Variants in NOTCH4 observed in about 807,000 individuals in gnomAD.
NOTCH4 encodes the protein notch receptor 4.
Under a neutral mutation model 189.0 loss-of-function variants are expected in NOTCH4, and 138 were observed. That is an observed-to-expected ratio of 0.73 (90% CI 0.64 to 0.84). NOTCH4 has a LOEUF of 0.84. NOTCH4 is among the 40% of genes least tolerant of loss of function. NOTCH4 has a pLI of 0.00. For synonymous variants in NOTCH4, 942 were observed against 1,032.8 expected (o/e 0.91, Z 1.69); for missense variants, 2,286 against 2,605.4 (o/e 0.88, Z 2.67).
Position 32,213,026 on chromosome 6 carries a change from G to A in NOTCH4, c.2438+109C>T, listed in dbSNP as rs568005547. ...GAGGTGGCAAGCCAGGAGGGAAGGCGGAACGAGGTGTGGGGTGGGAGGCAG... is the reference window on the plus strand; with the variant it reads ...GAGGTGGCAAGCCAGGAGGGAAGGCAGAACGAGGTGTGGGGTGGGAGGCAG... On this transcript the variant is annotated intron_variant, in intron 15 of 29. Coordinates refer to ENST00000375023, the MANE Select transcript of NOTCH4 (RefSeq NM_004557.4). 158 of 1,251,172 alleles carry A rather than the reference G, an allele frequency of 1.3e-4. 1 individual carries two copies. In the South Asian group the frequency reaches 1.7e-3, roughly 13 times the overall value. 77.5% of individuals were successfully genotyped at this position (1,251,172 alleles called of 1,614,324 possible).
chr6:32,213,003 G>T, intron 15 of NOTCH4, 92 bp from the exon 16 acceptor site: 1 of 1,337,946 alleles, frequency 7.5e-7, no homozygotes, highest in South Asian at 1.3e-5. Context: ...ACCACAGGGA[G>T]GTGGCAAGCC....
rs941106697 is a variant in NOTCH4 at position 32,212,528 on chromosome 6, C to T, written c.2626G>A (p.Gly876Arg). 5 of 1,612,980 alleles carry T rather than the reference C, an allele frequency of 3.1e-6. No individual in the cohort carries two copies. Among genetic ancestry groups the T allele is most frequent in the African/African-American group, 1.3e-5 (1 of 74,872 alleles). ...FHCLCLQGWTGPLCNLPLSSC... is the reference protein window; with the variant it reads ...FHCLCLQGWTRPLCNLPLSSC... Reference sequence around the variant, plus strand: ...GACAGTGGAAGGTTGCAGAGAGGCCCGGTCCATCCCTGGAGGCACAAGCAG... The same window carrying T: ...GACAGTGGAAGGTTGCAGAGAGGCCTGGTCCATCCCTGGAGGCACAAGCAG... Residue 876 changes from glycine to arginine, a missense_variant, in exon 17 of 30, where the codon GGG becomes AGG. This residue lies in a region of NOTCH4 where 1,903 missense variants were observed against 2,261.9 expected (regional missense o/e 0.84). Transcript: ENST00000375023. The surrounding 1 kb of genome is among the most constrained non-coding windows in gnomAD (Gnocchi z 4.4).
chr6:32,222,372 A>G (rs1328563863), intron 3 of NOTCH4, 139 bp downstream of exon 3: 10 of 698,668 alleles, frequency 1.4e-5, no homozygotes, highest in Non-Finnish European at 2.0e-5. Context: ...GTGGATTGCC[A>G]AGAATTGGCA....
chr6:32,202,524 GAC>G lies in NOTCH4; in HGVS notation c.3305_3306del (p.Cys1102SerfsTer5). On this transcript the variant is annotated frameshift_variant, in exon 21 of 30. Transcript: ENST00000375023. LOFTEE classifies it high-confidence loss of function. This position sits in a 1 kb window ranked among gnomAD's most constrained non-coding sequence, Gnocchi z 5.7. ...GFHHCHHGGL[C>X]LPSPKPGFPP... ...GGGAAGCCTGGCTTAGGGGAGGGCA[GAC>G]ACAGGCCTCCGTGGTGGCAGTGATG... The G allele has an allele frequency of 6.2e-7, 1 of 1,610,976 alleles. No individual in the cohort carries two copies. The highest frequency in any genetic ancestry group is 1.3e-5 in the African/African-American group (1 of 75,008).
In NOTCH4 at chr6:32,216,807, T is replaced by C. The variant is rs530082881; in HGVS notation, c.1861+138A>G. On this transcript the variant is annotated intron_variant, in intron 11 of 29. Coordinates refer to ENST00000375023, the MANE Select transcript of NOTCH4 (RefSeq NM_004557.4). Reference sequence around the variant, plus strand: ...CATGGTTGTACAATTGTGCAGGTTTTACACTAAATAACTTTAAAGGATACC... The same window carrying C: ...CATGGTTGTACAATTGTGCAGGTTTCACACTAAATAACTTTAAAGGATACC... The C allele has an allele frequency of 5.5e-6, 6 of 1,099,262 alleles. No individual in the cohort carries two copies. In the African/African-American group the frequency reaches 9.3e-5, roughly 17 times the overall value. 68.1% of individuals were successfully genotyped at this position (1,099,262 alleles called of 1,614,324 possible).
rs769651472 is a variant in NOTCH4, at chr6:32,202,637, C to A, written c.3232-38G>T. On this transcript the variant is annotated intron_variant, in intron 20 of 29. Transcript: ENST00000375023. This position sits in a 1 kb window ranked among gnomAD's most constrained non-coding sequence, Gnocchi z 5.7. ...GGGGAGATATTGGAGATGCAACTTG[C>A]ATTATTCTTCCCGCTCTCCATCAAG... 3 of 1,529,226 alleles carry A rather than the reference C, an allele frequency of 2.0e-6. No individual in the cohort carries two copies. In the Admixed American group the frequency reaches 6.0e-5, roughly 31 times the overall value. 94.7% of individuals were successfully genotyped at this position (1,529,226 alleles called of 1,614,324 possible). A position where few individuals can be genotyped will look rare whatever the true frequency, so the allele number is the denominator to read the frequency against.
At position 32,195,268 on chromosome 6, in the gene NOTCH4, G is replaced by T; in HGVS notation, c.*169C>A. ...CTTAAACCCTCTTTCCAGAGCTGCA[G>T]CTTCTCCACGTGGAAGATGTCTGCT... On this transcript the variant is annotated 3_prime_UTR_variant, in exon 30 of 30. Coordinates refer to ENST00000375023, the MANE Select transcript of NOTCH4 (RefSeq NM_004557.4). The surrounding 1 kb of genome is among the most constrained non-coding windows in gnomAD (Gnocchi z 5.4). 1.5e-6 allele frequency: 1 copy of T among 655,910 alleles called. No individual in the cohort carries two copies. The highest frequency in any genetic ancestry group is 2.5e-6 in the Non-Finnish European group (1 of 396,946). The allele number at this position is 655,910 out of a possible 1,614,324, so 40.6% of individuals were successfully genotyped here.
At chr6:32,206,063 C>T (rs1182540921) in intron 18 of NOTCH4, among the ~76,000 whole-genome samples, 1 of 151,774 alleles carries the variant, frequency 6.6e-6, no homozygotes, top group African/African-American at 2.4e-5. Flanking sequence ...GGTTCTATAT[C>T]TCAAAATAAT....
Position 32,201,534 on chromosome 6 carries a change from C to G in NOTCH4, c.3756-34G>C. ...TAAGGAGAGGGGGACTCAGGACCTC[C>G]CTAAAACCTGACTCTTTTCTTCACC... On this transcript the variant is annotated intron_variant, in intron 21 of 29. Transcript: ENST00000375023. This position sits in a 1 kb window ranked among gnomAD's most constrained non-coding sequence, Gnocchi z 5.5. The G allele has an allele frequency of 4.9e-6, 7 of 1,434,304 alleles. No individual in the cohort carries two copies. Among genetic ancestry groups the G allele is most frequent in the Non-Finnish European group, 6.4e-6 (7 of 1,093,882 alleles). The allele number at this position is 1,434,304 out of a possible 1,614,324, so 88.8% of individuals were successfully genotyped here.
intron 18 of NOTCH4, among the ~76,000 whole-genome samples, chr6:32,206,936 C>CTT (rs70990300): frequency 3.1e-4 from 45 of 143,348 alleles, no homozygotes; most frequent in African/African-American, 1.0e-3. Flanking sequence ...CTTTTCTTTC[C>CTT]TTTTTTTTTT....
Position 32,223,873 on chromosome 6 carries a change from G to T in NOTCH4, c.56C>A (p.Ser19Ter). ...LLLLLLLLCV[S>*]VVRPRGLLCG... ...TGCCTCACCTCTGGGTCTGACCACT[G>T]AGACACATAGCAGCAGCAGCAGCAG... Residue 19 changes from serine (S) to a stop codon, truncating the protein, a stop_gained, in exon 1 of 30, where the codon TCA becomes TAA. Transcript: ENST00000375023. LOFTEE classifies it high-confidence loss of function. 6.3e-7 allele frequency: 1 copy of T among 1,598,324 alleles called. No homozygotes were observed.
In NOTCH4 at chr6:32,201,942, A is replaced by G; in HGVS notation, c.3755+134T>C. The G allele has an allele frequency of 1.3e-6, 1 of 791,400 alleles. No individual in the cohort carries two copies. Among genetic ancestry groups the G allele is most frequent in the Non-Finnish European group, 1.8e-6 (1 of 563,278 alleles). 49.0% of individuals were successfully genotyped at this position (791,400 alleles called of 1,614,324 possible). A position where few individuals can be genotyped will look rare whatever the true frequency, so the allele number is the denominator to read the frequency against. On this transcript the variant is annotated intron_variant, in intron 21 of 29. Coordinates refer to ENST00000375023, the MANE Select transcript of NOTCH4 (RefSeq NM_004557.4). This position sits in a 1 kb window ranked among gnomAD's most constrained non-coding sequence, Gnocchi z 5.5. ...AGTCCAGAGTCTTCGACCCCTGTTTAGTGATGGTTATTAGGGTGGAAACTC... is the reference window on the plus strand; with the variant it reads ...AGTCCAGAGTCTTCGACCCCTGTTTGGTGATGGTTATTAGGGTGGAAACTC...
intron 18 of NOTCH4, among the ~76,000 whole-genome samples, chr6:32,207,090 T>G (rs1788724952): frequency 6.6e-6 from 1 of 151,500 alleles, no homozygotes; most frequent in South Asian, 2.1e-4. Flanking sequence ...CCACCATGCC[T>G]GGCTAATTTT....
In NOTCH4 at chr6:32,200,215, CTT is replaced by C. The variant is rs9281670; in HGVS notation, c.4315+614_4315+615del. 2.8e-5 allele frequency among the ~76,000 whole-genome samples: 4 copies of C among 144,352 alleles called. No homozygotes were observed. The highest frequency in any genetic ancestry group is 3.0e-5 in the Non-Finnish European group (2 of 65,850). The allele number at this position is 144,352 out of a possible 152,430, so 94.7% of individuals were successfully genotyped here. A position where few individuals can be genotyped will look rare whatever the true frequency, so the allele number is the denominator to read the frequency against. On this transcript the variant is annotated intron_variant, in intron 23 of 29. Coordinates refer to ENST00000375023, the MANE Select transcript of NOTCH4 (RefSeq NM_004557.4). This position sits in a 1 kb window ranked among gnomAD's most constrained non-coding sequence, Gnocchi z 5.0. ...AAAGTACGATATAGCAGTTATTTTTCTTTTTTTTTTTTTGAGATGGAGTCTCC... is the reference window on the plus strand; with the variant it reads ...AAAGTACGATATAGCAGTTATTTTTCTTTTTTTTTTTGAGATGGAGTCTCC...
rs1438989344 is a variant in NOTCH4 at position 32,199,504 on chromosome 6, A to T, written c.4316-359T>A. On this transcript the variant is annotated intron_variant, in intron 23 of 29. Coordinates refer to ENST00000375023, the MANE Select transcript of NOTCH4 (RefSeq NM_004557.4). This position sits in a 1 kb window ranked among gnomAD's most constrained non-coding sequence, Gnocchi z 4.9. ...TGGATCATGAGGTCAGGAGATCGAG[A>T]CCATCCTGGCTAACATGGTGAAACC... is the stretch of plus-strand genomic sequence containing the variant. Among the ~76,000 whole-genome samples the T allele has an allele frequency of 2.0e-5, 3 of 152,118 alleles. No homozygotes were observed. The highest frequency in any genetic ancestry group is 2.9e-5 in the Non-Finnish European group (2 of 68,018).
rs1194939182 is a variant in NOTCH4, at chr6:32,210,703, T to G, written c.2865+49A>C. The G allele has an allele frequency of 6.3e-7, 1 of 1,581,080 alleles. No homozygotes were observed. Among genetic ancestry groups the G allele is most frequent in the Admixed American group, 1.7e-5 (1 of 59,772 alleles). ...CCCTCAGTCACTACTGTCTCTCCCA[T>G]CCAGCCCACCCTTGTCTTTCCTCCC... On this transcript the variant is annotated intron_variant, in intron 18 of 29. Coordinates refer to ENST00000375023, the MANE Select transcript of NOTCH4 (RefSeq NM_004557.4). This position sits in a 1 kb window ranked among gnomAD's most constrained non-coding sequence, Gnocchi z 4.8.
In NOTCH4 at chr6:32,195,754, T is replaced by TGA; in HGVS notation, c.5694_5695insTC (p.Leu1900AlafsTer5). On this transcript the variant is annotated frameshift_variant, in exon 30 of 30. Coordinates refer to ENST00000375023, the MANE Select transcript of NOTCH4 (RefSeq NM_004557.4). LOFTEE classifies it low-confidence loss of function (END_TRUNC). This position sits in a 1 kb window ranked among gnomAD's most constrained non-coding sequence, Gnocchi z 5.4. The stretch of plus-strand genomic sequence containing the variant: ...CCTCCTGCTCCTACTCCCGAGAGGC[T>TGA]CCGGCAATGAGAATAGGCCCCGCCC... 1 of 1,611,844 alleles carries TGA rather than the reference T, an allele frequency of 6.2e-7. No individual in the cohort carries two copies. Among genetic ancestry groups the TGA allele is most frequent in the Non-Finnish European group, 8.5e-7 (1 of 1,179,836 alleles).
chr6:32,213,768 C>A lies in NOTCH4; in HGVS notation c.2240G>T (p.Ser747Ile), dbSNP rs3131293. The change falls in exon 14 of 30, where the codon AGC (serine) becomes ATC (isoleucine). Residue 747 changes from serine (S) to isoleucine (I), a missense_variant. Coordinates refer to ENST00000375023, the MANE Select transcript of NOTCH4 (RefSeq NM_004557.4). Reference sequence around the variant, plus strand: ...GCAGGTGCAGTAGTAGCCTCCAGGGCTAGGGTTGCAGGAGCCGCCATTGAG... The same window carrying A: ...GCAGGTGCAGTAGTAGCCTCCAGGGATAGGGTTGCAGGAGCCGCCATTGAG... ...PCLNGGSCNP[S>I]PGGYYCTCPP... 2 of 1,612,108 alleles carry A rather than the reference C, an allele frequency of 1.2e-6. No individual in the cohort carries two copies. The highest frequency in any genetic ancestry group is 1.7e-6 in the Non-Finnish European group (2 of 1,179,918).
intron 1 of NOTCH4, 126 bp downstream of exon 1, chr6:32,223,730 G>T: frequency 3.1e-6 from 3 of 964,404 alleles, no homozygotes; most frequent in South Asian, 1.6e-5. Flanking sequence ...GTCTCTATTT[G>T]GGCAGTGAGA....
Sources: allele counts gnomAD v4.1 joint callset (sites outside exome capture counted in the v4.1 genomes callset), GRCh38; gene constraint gnomAD v4.1.1; regional missense constraint gnomAD v4.1.1; non-coding constraint Gnocchi (gnomAD v3.1); transcripts MANE v1.5; gene names NCBI Gene and HGNC (gene_info 2026-07-23, HGNC 2026-07-21).